Variants in ENAH observed in about 807,000 individuals in gnomAD.
The protein encoded by ENAH is ENAH actin regulator.
ENAH carries 23 observed loss-of-function variants against 78.7 expected under a neutral mutation model. The ratio of observed to expected loss-of-function variants is 0.29; its 90% CI spans 0.21 to 0.41. The LOEUF (loss-of-function observed/expected upper bound fraction) is 0.41, where lower values mean the gene tolerates loss of function less well. Among genes scored for constraint, ENAH ranks in the 10% least tolerant of loss-of-function variants. The pLI is 1.00. For missense variants in ENAH, 544 were observed against 691.0 expected, an observed-to-expected ratio of 0.79 and a Z score of 2.39; for synonymous variants, 226 against 241.0, an observed-to-expected ratio of 0.94 and a Z score of 0.58.
intron 1 of ENAH, among the ~76,000 whole-genome samples, chr1:225,603,184 T>G (rs1157780462): frequency 6.6e-6 from 1 of 152,140 alleles, no homozygotes; most frequent in African/African-American, 2.4e-5. Flanking sequence ...GGTTCTTGGC[T>G]ATCCAAAATG....
chr1:225,616,441 A>T (rs1203563249), intron 1 of ENAH, among the ~76,000 whole-genome samples: 3 of 152,198 alleles, frequency 2.0e-5, no homozygotes, highest in Non-Finnish European at 2.9e-5. Context: ...TGAGAAAAAA[A>T]TTTAATGAAT....
intron 2 of ENAH, among the ~76,000 whole-genome samples, chr1:225,562,592 A>C (rs1447562888): frequency 3.4e-5 from 5 of 148,816 alleles, no homozygotes; most frequent in East Asian, 2.0e-4. Flanking sequence ...AAAAAAAAAA[A>C]AAAAAAAAAA....
chr1:225,627,956 G>A (rs1658261264), intron 1 of ENAH, among the ~76,000 whole-genome samples: 1 of 152,128 alleles, frequency 6.6e-6, no homozygotes. Context: ...AAATAATTAA[G>A]GGGGCTGAAA....
rs781185333 is a variant in ENAH, at chr1:225,514,906, A to G, written c.914-6T>C. Reference sequence around the variant, plus strand: ...AAGTGGTCCCAAGACAATGCCTGAGAGAGAGAAATGTTAAGTAAGACCATC... The same window carrying G: ...AAGTGGTCCCAAGACAATGCCTGAGGGAGAGAAATGTTAAGTAAGACCATC... On this transcript the variant is annotated splice_region_variant and splice_polypyrimidine_tract_variant and intron_variant, in intron 6 of 13. Transcript: ENST00000366843. 1 of 1,609,692 alleles carries G rather than the reference A, an allele frequency of 6.2e-7. No individual in the cohort carries two copies. The highest frequency in any genetic ancestry group is 1.1e-5 in the South Asian group (1 of 90,514).
chr1:225,569,128 T>C lies in ENAH; in HGVS notation c.6-1714A>G, dbSNP rs1275086229. ...ATGTGATGACATTTACATAACCCTA[T>C]GGAAAGATTACATGAAACAAGCCAA... On this transcript the variant is annotated intron_variant, in intron 1 of 13. Coordinates refer to ENST00000366843, the MANE Select transcript of ENAH (RefSeq NM_018212.6). Among the ~76,000 whole-genome samples, 6 of 152,320 alleles carry C rather than the reference T, an allele frequency of 3.9e-5. No homozygotes were observed. The South Asian group carries it at 1.0e-3, about 26-fold the overall frequency.
chr1:225,651,149 A>G (rs1662918554), intron 1 of ENAH, among the ~76,000 whole-genome samples: 2 of 152,180 alleles, frequency 1.3e-5, no homozygotes, highest in Admixed American at 1.3e-4. Flanking sequence ...TTTGGTTCGT[A>G]TGCTATAATT....
chr1:225,637,331 C>T (rs1660241432), intron 1 of ENAH, among the ~76,000 whole-genome samples: 1 of 152,186 alleles, frequency 6.6e-6, no homozygotes, highest in Non-Finnish European at 1.5e-5. Flanking sequence ...CCTCAGCCTC[C>T]CGAGTAGCTG....
At chr1:225,641,794 G>A (rs2148452149) in intron 1 of ENAH, among the ~76,000 whole-genome samples, 1 of 152,284 alleles carries the variant, frequency 6.6e-6, no homozygotes, top group Admixed American at 6.5e-5. Context: ...GCCGAGGCAG[G>A]CAGATCACCT....
At chr1:225,603,044 T>G (rs1398318581) in intron 1 of ENAH, among the ~76,000 whole-genome samples, 1 of 151,616 alleles carries the variant, frequency 6.6e-6, no homozygotes, top group African/African-American at 2.4e-5. Context: ...CAGTAAGAGA[T>G]ATGAGCACAA....
intron 6 of ENAH, chr1:225,515,348 C>T (rs565790684): frequency 6.5e-6 from 1 of 154,080 alleles, no homozygotes; most frequent in Non-Finnish European, 1.4e-5. Context: ...TGAACACATA[C>T]ATTTAATTGT....
intron 1 of ENAH, among the ~76,000 whole-genome samples, chr1:225,586,305 G>A (rs2096846544): frequency 6.7e-6 from 1 of 149,842 alleles, no homozygotes; most frequent in African/African-American, 2.4e-5. Flanking sequence ...GGGAGAGGAG[G>A]GGGAAGGAAA....
chr1:225,508,142 A>T, intron 10 of ENAH, 125 bp from the exon 11 acceptor site: 1 of 513,752 alleles, frequency 1.9e-6, no homozygotes, highest in Non-Finnish European at 3.1e-6. Flanking sequence ...TAAAAATTTA[A>T]ATTCTAAACT....
At chr1:225,552,969 C>A (rs1437273362) in intron 3 of ENAH, among the ~76,000 whole-genome samples, 2 of 152,190 alleles carry the variant, frequency 1.3e-5, no homozygotes, top group African/African-American at 2.4e-5. Context: ...CACGGTGGCT[C>A]ATGCCTGTAA....
intron 7 of ENAH, among the ~76,000 whole-genome samples, chr1:225,513,920 T>C (rs900426637): frequency 2.0e-5 from 3 of 151,234 alleles, no homozygotes; most frequent in African/African-American, 7.3e-5. Flanking sequence ...ACCTGGGAGG[T>C]GGAGGTTGCA....
intron 3 of ENAH, chr1:225,535,428 A>G: frequency 1.0e-6 from 1 of 958,640 alleles, no homozygotes; most frequent in Non-Finnish European, 1.5e-6. Flanking sequence ...ACTATGGCCT[A>G]AGAAAACAAA....
At chr1:225,519,711 C>A in intron 4 of ENAH, 146 bp from the exon 5 acceptor site, 1 of 1,229,816 alleles carries the variant, frequency 8.1e-7, no homozygotes, top group Non-Finnish European at 1.1e-6. Context: ...ATGAAGGCTA[C>A]CTTGGATAGA....
chr1:225,641,148 C>T (rs935333732), intron 1 of ENAH, among the ~76,000 whole-genome samples: 2 of 151,704 alleles, frequency 1.3e-5, no homozygotes, highest in African/African-American at 4.8e-5. Flanking sequence ...CAGGCATGAG[C>T]CACCGCGCCC....
rs1364342804 is a variant in ENAH at position 225,652,956 on chromosome 1, TC to T, written c.-267del. ...AGCTGGTCCCCAGGCGGCCGCCGCCTCCCACCTCCTCGTGGTCCTGCTCCTC... is the reference window on the plus strand; with the variant it reads ...AGCTGGTCCCCAGGCGGCCGCCGCCTCCACCTCCTCGTGGTCCTGCTCCTC... On this transcript the variant is annotated 5_prime_UTR_variant, in exon 1 of 14. Coordinates refer to ENST00000366843, the MANE Select transcript of ENAH (RefSeq NM_018212.6). The T allele has an allele frequency of 8.2e-6, 3 of 363,768 alleles. No homozygotes were observed. Among genetic ancestry groups the T allele is most frequent in the Admixed American group, 4.6e-5 (1 of 21,520 alleles). 22.5% of individuals were successfully genotyped at this position (363,768 alleles called of 1,614,324 possible). A position where few individuals can be genotyped will look rare whatever the true frequency, so the allele number is the denominator to read the frequency against.
intron 1 of ENAH, among the ~76,000 whole-genome samples, chr1:225,640,183 TG>T (rs1212170119): frequency 6.6e-6 from 1 of 152,246 alleles, no homozygotes; most frequent in Non-Finnish European, 1.5e-5. Flanking sequence ...TAGTTTCATG[TG>T]ATCTTACAAT....
Sources: gnomAD v4.1 joint callset for allele counts (sites outside exome capture counted in the v4.1 genomes callset) on GRCh38, gnomAD v4.1.1 for gene constraint, MANE v1.5 for transcripts, NCBI Gene and HGNC (gene_info 2026-07-23, HGNC 2026-07-21) for gene names.